Variants in DEPTOR observed in about 807,000 individuals in gnomAD.
The protein encoded by DEPTOR is DEP domain-containing mTOR-interacting protein.
DEPTOR carries 41 observed loss-of-function variants against 41.6 expected under a neutral mutation model. The ratio of observed to expected loss-of-function variants is 0.98; its 90% CI spans 0.77 to 1.28. DEPTOR has a LOEUF of 1.28. Among genes scored for constraint, DEPTOR ranks in the 50% most tolerant of loss-of-function variants. DEPTOR has a pLI of 0.00. For missense variants in DEPTOR, 514 were observed against 527.9 expected, an observed-to-expected ratio of 0.97 and a Z score of 0.26; for synonymous variants, 195 against 192.3, an observed-to-expected ratio of 1.01 and a Z score of -0.12.
rs1467573501 is a variant in DEPTOR at position 120,050,546 on chromosome 8, TA to T, written c.*844del. 1 of 152,202 alleles carries T rather than the reference TA, an allele frequency of 6.6e-6. No homozygotes were observed. Among genetic ancestry groups the T allele is most frequent in the African/African-American group, 2.4e-5 (1 of 41,462 alleles). The allele number at this position is 152,202 out of a possible 1,614,324, so 9.4% of individuals were successfully genotyped here. ...ATTTCACTTTGAAGGTGTCTGTTTT[TA>T]AGGGAAGGCTAAAACTTTGCTGATA... On this transcript the variant is annotated 3_prime_UTR_variant, in exon 9 of 9. Coordinates refer to ENST00000286234, the MANE Select transcript of DEPTOR (RefSeq NM_022783.4).
intron 1 of DEPTOR, among the ~76,000 whole-genome samples, chr8:119,887,846 G>T (rs541138858): frequency 1.4e-4 from 21 of 151,640 alleles, no homozygotes; most frequent in Admixed American, 9.2e-4. Context: ...TTGGACACAT[G>T]GTCTTGCTCT....
intron 4 of DEPTOR, among the ~76,000 whole-genome samples, chr8:119,977,351 A>G (rs1435739893): frequency 2.0e-5 from 3 of 152,120 alleles, no homozygotes; most frequent in Admixed American, 6.5e-5. Flanking sequence ...TGCAACTGGT[A>G]TAATCATTCT....
At chr8:120,033,094 T>C (rs1466969618) in intron 8 of DEPTOR, among the ~76,000 whole-genome samples, 1 of 150,248 alleles carries the variant, frequency 6.7e-6, no homozygotes, top group Non-Finnish European at 1.5e-5. Context: ...TTTTTTTTTT[T>C]TTTTTTTTTT....
intron 1 of DEPTOR, among the ~76,000 whole-genome samples, chr8:119,926,746 G>T (rs796863072): frequency 2.6e-5 from 4 of 152,188 alleles, no homozygotes; most frequent in African/African-American, 9.6e-5. Context: ...GTTACTAGTG[G>T]ATTCATTGCT....
chr8:120,038,747 T>G (rs1813016590), intron 8 of DEPTOR, among the ~76,000 whole-genome samples: 1 of 152,096 alleles, frequency 6.6e-6, no homozygotes, highest in Non-Finnish European at 1.5e-5. Context: ...GGGGGCAGAG[T>G]AGCCGAGGTC....
intron 1 of DEPTOR, among the ~76,000 whole-genome samples, chr8:119,899,063 G>A (rs1827555319): frequency 6.6e-6 from 1 of 152,116 alleles, no homozygotes; most frequent in Admixed American, 6.6e-5. Context: ...CATCGCTTTT[G>A]GTGAACCCTC....
intron 4 of DEPTOR, among the ~76,000 whole-genome samples, chr8:119,976,852 C>T (rs1481487618): frequency 2.6e-5 from 4 of 152,092 alleles, no homozygotes; most frequent in Admixed American, 6.5e-5. Context: ...GTTCCACCCT[C>T]CCCCCGCACA....
intron 1 of DEPTOR, among the ~76,000 whole-genome samples, chr8:119,896,176 T>C (rs1362421619): frequency 6.6e-6 from 1 of 152,216 alleles, no homozygotes; most frequent in African/African-American, 2.4e-5. Flanking sequence ...TATTGAACCA[T>C]ACTATGTGAC....
intron 8 of DEPTOR, among the ~76,000 whole-genome samples, chr8:120,018,128 C>T (rs1279745306): frequency 1.3e-5 from 2 of 152,120 alleles, no homozygotes; most frequent in East Asian, 3.8e-4. Context: ...GGAATTTTCC[C>T]CCTGAACCAA....
intron 3 of DEPTOR, among the ~76,000 whole-genome samples, chr8:119,950,849 C>T (rs1828343141): frequency 6.6e-6 from 1 of 152,148 alleles, no homozygotes; most frequent in South Asian, 2.1e-4. Context: ...CTGCCCACCT[C>T]GGCCTCCCAA....
chr8:119,905,165 C>G (rs560724373), intron 1 of DEPTOR, among the ~76,000 whole-genome samples: 38 of 152,128 alleles, frequency 2.5e-4, no homozygotes, highest in African/African-American at 8.2e-4. Flanking sequence ...CCTGTGCTAG[C>G]CCTTGATGGC....
intron 1 of DEPTOR, among the ~76,000 whole-genome samples, chr8:119,910,706 G>T (rs1295663323): frequency 6.6e-6 from 1 of 151,854 alleles, no homozygotes; most frequent in Non-Finnish European, 1.5e-5. Context: ...CTCACAAAGT[G>T]CTGGGATTAC....
At chr8:119,963,493 C>T (rs1407905875) in intron 3 of DEPTOR, among the ~76,000 whole-genome samples, 1 of 152,078 alleles carries the variant, frequency 6.6e-6, no homozygotes, top group Non-Finnish European at 1.5e-5. Flanking sequence ...GTACTACAGG[C>T]ATGTGCCAAT....
At chr8:120,024,269 C>A (rs1349988377) in intron 8 of DEPTOR, among the ~76,000 whole-genome samples, 1 of 151,972 alleles carries the variant, frequency 6.6e-6, no homozygotes, top group African/African-American at 2.4e-5. Context: ...ATAAAAGACA[C>A]CTCTGGAAGT....
At chr8:119,988,328 C>A (rs1828855575) in intron 4 of DEPTOR, among the ~76,000 whole-genome samples, 1 of 152,160 alleles carries the variant, frequency 6.6e-6, no homozygotes, top group African/African-American at 2.4e-5. Context: ...TGCTCGCCCT[C>A]CATGGGCTAC....
At chr8:120,005,156 C>T (rs570139202) in intron 6 of DEPTOR, among the ~76,000 whole-genome samples, 7 of 152,122 alleles carry the variant, frequency 4.6e-5, no homozygotes, top group African/African-American at 1.7e-4. Context: ...ATTCATAAGC[C>T]CCCTGAGGGT....
At chr8:119,890,193 G>C (rs1321964282) in intron 1 of DEPTOR, among the ~76,000 whole-genome samples, 1 of 152,196 alleles carries the variant, frequency 6.6e-6, no homozygotes, top group East Asian at 1.9e-4. Context: ...GACCTGAAGT[G>C]ATCCACTCAC....
intron 8 of DEPTOR, among the ~76,000 whole-genome samples, chr8:120,016,831 T>A (rs1812619289): frequency 1.3e-5 from 2 of 152,096 alleles, no homozygotes; most frequent in African/African-American, 4.8e-5. Context: ...CTCGAACTCC[T>A]GACCTCAAGT....
At chr8:119,967,842 G>T (rs923116648) in intron 4 of DEPTOR, among the ~76,000 whole-genome samples, 43 of 152,050 alleles carry the variant, frequency 2.8e-4, no homozygotes, top group Non-Finnish European at 1.5e-4. Flanking sequence ...ACATATGCAG[G>T]TGTATATTGA....
Sources: allele counts gnomAD v4.1 joint callset (sites outside exome capture counted in the v4.1 genomes callset), GRCh38; gene constraint gnomAD v4.1.1; transcripts MANE v1.5; gene names NCBI Gene and HGNC (gene_info 2026-07-23, HGNC 2026-07-21).